The following REPS2 variants were observed in gnomAD, a reference collection of about 807,000 sequenced individuals.
REPS2 encodes ralBP1-associated Eps domain-containing protein 2.
REPS2 carries 23 observed loss-of-function variants against 53.6 expected under a neutral mutation model. The ratio of observed to expected loss-of-function variants is 0.43; its 90% CI spans 0.31 to 0.61. The LOEUF (loss-of-function observed/expected upper bound fraction) is 0.61. Among genes scored for constraint, REPS2 ranks in the 20% least tolerant of loss-of-function variants. REPS2 has a pLI of 0.11. For synonymous variants in REPS2, 238 were observed against 218.6 expected, an observed-to-expected ratio of 1.09 and a Z score of -0.78; for missense variants, 446 against 534.9, an observed-to-expected ratio of 0.83 and a Z score of 1.64.
At chrX:17,184,870 G>A in the REPS2 span, among the ~76,000 whole-genome samples, 3 of 111,930 alleles carry the variant, frequency 2.7e-5, no homozygotes, top group Non-Finnish European at 3.8e-5. Flanking sequence ...TTTAATGTAC[G>A]TGTTACAATC....
At position 17,075,753 on chromosome X, in the gene REPS2, T is replaced by C. The variant is rs759633140; in HGVS notation, c.1380-1518T>C. ...AAAATGAGGAATGTGCGCTGTGGGA[T>C]TGTGTGCTTAACAGTGTGCACGCAT... On this transcript the variant is annotated intron_variant, in intron 12 of 17. Transcript: ENST00000357277. Among the ~76,000 whole-genome samples the C allele has an allele frequency of 4.9e-4, 55 of 112,825 alleles. 1 individual carries two copies. The highest frequency in any genetic ancestry group is 1.7e-3 in the African/African-American group (54 of 31,070).
chrX:17,042,634 G>C (rs1293666958), intron 5 of REPS2, among the ~76,000 whole-genome samples: 1 of 110,521 alleles, frequency 9.0e-6, no homozygotes, highest in Non-Finnish European at 1.9e-5. Context: ...CCAATAAGTA[G>C]AGCTCACACT....
rs762456387 is a variant in REPS2, at chrX:16,991,586, T to C, written c.274-14635T>C. ...CCCTTAGTACCTCAGAATGTGACCTTATTTGGAAAGAGGGTCTTTGCAGAT... is the reference window on the plus strand; with the variant it reads ...CCCTTAGTACCTCAGAATGTGACCTCATTTGGAAAGAGGGTCTTTGCAGAT... On this transcript the variant is annotated intron_variant, in intron 1 of 17. Coordinates refer to ENST00000357277, the MANE Select transcript of REPS2 (RefSeq NM_004726.3). Among the ~76,000 whole-genome samples, 6 of 111,499 alleles carry C rather than the reference T, an allele frequency of 5.4e-5. No individual in the cohort carries two copies. In the East Asian group the frequency reaches 1.4e-3, roughly 26 times the overall value.
Position 16,946,748 on chromosome X carries a change from G to C in REPS2, c.-114G>C. 1 of 737,296 alleles carries C rather than the reference G, an allele frequency of 1.4e-6. No individual in the cohort carries two copies. Among genetic ancestry groups the C allele is most frequent in the Non-Finnish European group, 1.6e-6 (1 of 627,931 alleles). The allele number at this position is 737,296 out of a possible 1,213,427, so 60.8% of individuals were successfully genotyped here. A position where few individuals can be genotyped will look rare whatever the true frequency, so the allele number is the denominator to read the frequency against. ...GCGTGGGGGTGGTGGTGGCGGCGGC[G>C]GTGGTGGCGGCGGCGGCGGCGGCGG... On this transcript the variant is annotated 5_prime_UTR_variant, in exon 1 of 18. Coordinates refer to ENST00000357277, the MANE Select transcript of REPS2 (RefSeq NM_004726.3).
At chrX:17,027,439 C>T (rs969674674) in intron 4 of REPS2, among the ~76,000 whole-genome samples, 5 of 111,590 alleles carry the variant, frequency 4.5e-5, no homozygotes, top group Admixed American at 2.9e-4. Flanking sequence ...CATCACAGTT[C>T]GACGATCTGT....
At position 17,152,650 on chromosome X, in the gene REPS2, T is replaced by C. The variant is rs943801312; in HGVS notation, c.*5169T>C. The C allele has an allele frequency of 5.3e-5, 6 of 112,804 alleles. No homozygotes were observed. The highest frequency in any genetic ancestry group is 4.2e-3 in the Middle Eastern group (1 of 238). The allele number at this position is 112,804 out of a possible 1,213,427, so 9.3% of individuals were successfully genotyped here. A position where few individuals can be genotyped will look rare whatever the true frequency, so the allele number is the denominator to read the frequency against. On this transcript the variant is annotated 3_prime_UTR_variant, in exon 18 of 18. Transcript: ENST00000357277. ...AAAGCTCTTTCAGGGAGCTCTTCTC[T>C]GGGGCTGGAACAGTTGATTATGCAA...
intron 2 of REPS2, among the ~76,000 whole-genome samples, chrX:17,012,357 C>T (rs965601543): frequency 2.9e-5 from 3 of 102,905 alleles, no homozygotes; most frequent in African/African-American, 7.4e-5. Flanking sequence ...CTAGCCTGGG[C>T]GACAGAGCGA....
intron 4 of REPS2, 103 bp downstream of exon 4, chrX:17,025,288 A>C: frequency 1.2e-6 from 1 of 855,480 alleles, no homozygotes; most frequent in Non-Finnish European, 1.6e-6. Flanking sequence ...TGATTTAATT[A>C]CCCCTGTCTT....
At chrX:16,975,251 C>T (rs755385566) in intron 1 of REPS2, among the ~76,000 whole-genome samples, 5 of 111,930 alleles carry the variant, frequency 4.5e-5, no homozygotes, top group African/African-American at 6.5e-5. Flanking sequence ...GTTGCTGGGT[C>T]GAATGGTATT....
At chrX:17,187,196 T>TCC in the REPS2 span, among the ~76,000 whole-genome samples, 1 of 112,016 alleles carries the variant, frequency 8.9e-6, no homozygotes, top group Non-Finnish European at 1.9e-5. Context: ...CTGCCCTAAA[T>TCC]CCCCTCCCTG....
chrX:17,101,123 G>A (rs1347808218), intron 13 of REPS2, among the ~76,000 whole-genome samples: 1 of 99,666 alleles, frequency 1.0e-5, no homozygotes, highest in Non-Finnish European at 2.0e-5. Context: ...GTGTGATCTC[G>A]GCTCACTGAA....
At chrX:17,102,818 T>C (rs182184287) in intron 13 of REPS2, among the ~76,000 whole-genome samples, 4 of 112,708 alleles carry the variant, frequency 3.5e-5, no homozygotes, top group African/African-American at 1.3e-4. Flanking sequence ...GCACAGAAAA[T>C]TGTCCAAATG....
At chrX:17,189,618 G>T in the REPS2 span, among the ~76,000 whole-genome samples, 1 of 109,237 alleles carries the variant, frequency 9.2e-6, no homozygotes, top group African/African-American at 3.4e-5. Flanking sequence ...GCTTTAGAAT[G>T]ATTTTTATTT....
At chrX:17,159,452 G>A in the REPS2 span, among the ~76,000 whole-genome samples, 4 of 111,555 alleles carry the variant, frequency 3.6e-5, no homozygotes, top group South Asian at 1.5e-3. Flanking sequence ...CTGTTAGGAT[G>A]AATAAGAGTA....
At chrX:17,065,581 G>GT (rs1053302263) in intron 9 of REPS2, among the ~76,000 whole-genome samples, 5 of 111,162 alleles carry the variant, frequency 4.5e-5, no homozygotes, top group Admixed American at 1.9e-4. Context: ...TTGTTTGTTT[G>GT]TTTTTTTGTT....
At chrX:16,998,075 C>CT (rs1244709888) in intron 1 of REPS2, among the ~76,000 whole-genome samples, 1 of 45,596 alleles carries the variant, frequency 2.2e-5, no homozygotes, top group African/African-American at 9.0e-5. Context: ...GGAGACCCCC[C>CT]ATCTCTACAA....
At chrX:17,067,415 G>A (rs2062239475) in intron 9 of REPS2, among the ~76,000 whole-genome samples, 1 of 111,252 alleles carries the variant, frequency 9.0e-6, no homozygotes, top group South Asian at 3.7e-4. Flanking sequence ...ACCTTTTTTT[G>A]GTGTGGTGAG....
intron 1 of REPS2, among the ~76,000 whole-genome samples, chrX:16,956,462 C>T (rs1028494472): frequency 1.4e-4 from 15 of 109,740 alleles, no homozygotes; most frequent in East Asian, 8.6e-4. Context: ...CCACCACACC[C>T]AGCTAATTTT....
chrX:17,195,428 A>G, the REPS2 span, among the ~76,000 whole-genome samples: 3 of 112,227 alleles, frequency 2.7e-5, no homozygotes, highest in Non-Finnish European at 5.6e-5. Flanking sequence ...TACAGGAATA[A>G]CAGTCTAATG....
Sources: allele counts gnomAD v4.1 joint callset (sites outside exome capture counted in the v4.1 genomes callset), GRCh38; gene constraint gnomAD v4.1.1; transcripts MANE v1.5; gene names NCBI Gene and HGNC (gene_info 2026-07-23, HGNC 2026-07-21).